The following FGD3 variants were observed in gnomAD, a reference collection of about 807,000 sequenced individuals.
FGD3 encodes the protein FYVE, RhoGEF and PH domain-containing protein 3.
Under a neutral mutation model 71.8 loss-of-function variants are expected in FGD3, and 45 were observed. That is an observed-to-expected ratio of 0.63 (90% CI 0.49 to 0.80). FGD3 has a LOEUF of 0.80. FGD3 is among the 30% of genes least tolerant of loss of function. The probability of loss-of-function intolerance (pLI) is 0.00; values close to 1 mark genes in which losing one functional copy is unlikely to be tolerated. For missense variants in FGD3, 844 were observed against 951.5 expected (o/e 0.89, Z 1.49); for synonymous variants, 378 against 392.8 (o/e 0.96, Z 0.44).
At position 93,004,096 on chromosome 9, in the gene FGD3, G is replaced by C; in HGVS notation, c.639G>C (p.Gln213His). The C allele has an allele frequency of 6.2e-7, 1 of 1,614,176 alleles. No individual in the cohort carries two copies. The highest frequency in any genetic ancestry group is 8.5e-7 in the Non-Finnish European group (1 of 1,180,048). The change falls in exon 5 of 18, where the codon CAG (glutamine) becomes CAC (histidine). Residue 213 changes from glutamine to histidine, a missense_variant. Coordinates refer to ENST00000375482, the MANE Select transcript of FGD3 (RefSeq NM_001083536.2). The stretch of plus-strand genomic sequence containing the variant: ...CCTCCATCCACCGCTTCCACGGGCA[G>C]TTCCTGCTGCCGGAGCTGAAGACGC... ...NISSIHRFHGQFLLPELKTRI... is the reference protein window; with the variant it reads ...NISSIHRFHGHFLLPELKTRI...
chr9:93,004,930 C>A (rs969419015), intron 5 of FGD3, among the ~76,000 whole-genome samples: 1 of 152,120 alleles, frequency 6.6e-6, no homozygotes, highest in Non-Finnish European at 1.5e-5. Context: ...GTCCAGCTGC[C>A]GAACAGGTTT....
At chr9:93,016,492 C>T (rs943932312) in intron 10 of FGD3, among the ~76,000 whole-genome samples, 1 of 151,744 alleles carries the variant, frequency 6.6e-6, no homozygotes, top group Non-Finnish European at 1.5e-5. Context: ...TGTGTGCCAC[C>T]ACACCCAGCT....
At chr9:93,013,696 A>G (rs1311129908) in intron 8 of FGD3, among the ~76,000 whole-genome samples, 156 bp from the exon 9 acceptor site, 1 of 152,112 alleles carries the variant, frequency 6.6e-6, no homozygotes, top group Non-Finnish European at 1.5e-5. Context: ...TTCAATACCC[A>G]ACTCAAACAT....
chr9:93,022,800 G>A (rs73514124), intron 14 of FGD3, among the ~76,000 whole-genome samples: 5,334 of 152,196 alleles, frequency 0.035, 301 homozygotes, highest in African/African-American at 0.12. Context: ...TAGGAGGCTC[G>A]GTAATGCAGA....
At chr9:93,019,982 T>C in intron 12 of FGD3, 121 bp downstream of exon 12, 1 of 995,356 alleles carries the variant, frequency 1.0e-6, no homozygotes, top group Non-Finnish European at 1.6e-6. Flanking sequence ...TGCTGTACCC[T>C]GCAGGGATGC....
At chr9:92,980,692 C>T (rs1859956845) in intron 3 of FGD3, among the ~76,000 whole-genome samples, 1 of 151,922 alleles carries the variant, frequency 6.6e-6, no homozygotes. Context: ...GTTGTTTAGG[C>T]CAGGTGCGGT....
chr9:93,018,042 C>A (rs541040494), intron 10 of FGD3, 94 bp from the exon 11 acceptor site: 294 of 1,227,094 alleles, frequency 2.4e-4, no homozygotes, highest in Non-Finnish European at 3.2e-4. Context: ...CCTCTGTTAC[C>A]TCCTTGGGGA....
At chr9:93,031,502 T>C (rs915563960) in intron 15 of FGD3, among the ~76,000 whole-genome samples, 1 of 152,094 alleles carries the variant, frequency 6.6e-6, no homozygotes, top group Non-Finnish European at 1.5e-5. Flanking sequence ...TTTCATTGCC[T>C]TGGTTTGCCC....
intron 1 of FGD3, among the ~76,000 whole-genome samples, chr9:92,972,844 T>C (rs1357605943): frequency 6.6e-6 from 1 of 152,170 alleles, no homozygotes; most frequent in Non-Finnish European, 1.5e-5. Context: ...TTCACTAGTT[T>C]TTCTTCTGCA....
rs778131755 is a variant in FGD3 at position 92,976,294 on chromosome 9, C to A, written c.38C>A (p.Pro13His). ...SGRGSSTPPG[P>H]IAALGMPDTG... Reference sequence around the variant, plus strand: ...AGGGGGTCCTCAACCCCTCCAGGACCCATTGCTGCCCTAGGGATGCCAGAC... The same window carrying A: ...AGGGGGTCCTCAACCCCTCCAGGACACATTGCTGCCCTAGGGATGCCAGAC... Residue 13 changes from proline (P) to histidine (H), a missense_variant, in exon 3 of 18, where the codon CCC becomes CAC. Physicochemically the swap from Pro to His is moderately conservative, Grantham distance 77. Transcript: ENST00000375482. 2 of 1,608,592 alleles carry A rather than the reference C, an allele frequency of 1.2e-6. No individual in the cohort carries two copies. Among genetic ancestry groups the A allele is most frequent in the Admixed American group, 1.7e-5 (1 of 59,810 alleles).
At chr9:93,018,285 G>A in intron 11 of FGD3, 70 bp downstream of exon 11, 2 of 1,390,614 alleles carry the variant, frequency 1.4e-6, no homozygotes, top group Non-Finnish European at 1.0e-6. Context: ...GGTTAACCTT[G>A]TAATATATTT....
intron 1 of FGD3, among the ~76,000 whole-genome samples, chr9:92,962,667 A>G (rs1260126272): frequency 2.0e-5 from 3 of 152,192 alleles, no homozygotes; most frequent in Admixed American, 6.6e-5. Context: ...GTGTCCGGGC[A>G]TGGTGGCTCA....
At chr9:92,995,282 T>TA (rs980591355) in intron 3 of FGD3, among the ~76,000 whole-genome samples, 1 of 152,200 alleles carries the variant, frequency 6.6e-6, no homozygotes, top group African/African-American at 2.4e-5. Context: ...GTTTGTCTGT[T>TA]ATTGGTGTAA....
In FGD3 at chr9:92,969,075, T is replaced by A. The variant is rs1859439803; in HGVS notation, c.-217-6163T>A. Among the ~76,000 whole-genome samples, 1 of 152,202 alleles carries A rather than the reference T, an allele frequency of 6.6e-6. No individual in the cohort carries two copies. Among genetic ancestry groups the A allele is most frequent in the Non-Finnish European group, 1.5e-5 (1 of 68,040 alleles). On this transcript the variant is annotated intron_variant, in intron 1 of 17. Coordinates refer to ENST00000375482, the MANE Select transcript of FGD3 (RefSeq NM_001083536.2). The surrounding 1 kb of genome is among the most constrained non-coding windows in gnomAD (Gnocchi z 4.5). ...AGCGGATATAGGCAGTTCACATGGT[T>A]TATTGTATCACCTAGAGGCACTTAC...
chr9:92,956,742 G>C (rs35031762), intron 1 of FGD3, among the ~76,000 whole-genome samples: 1 of 151,818 alleles, frequency 6.6e-6, no homozygotes, highest in Non-Finnish European at 1.5e-5. Context: ...GGGCACCTCT[G>C]TTCTGACTTC....
intron 14 of FGD3, among the ~76,000 whole-genome samples, chr9:93,027,794 AC>A (rs1359054793): frequency 2.2e-5 from 3 of 136,110 alleles, no homozygotes; most frequent in Non-Finnish European, 4.5e-5. Flanking sequence ...ATCACAACTC[AC>A]TGTAGCCTTG....
intron 3 of FGD3, among the ~76,000 whole-genome samples, chr9:92,995,063 T>G (rs1361403179): frequency 2.6e-5 from 4 of 152,068 alleles, no homozygotes; most frequent in Non-Finnish European, 2.9e-5. Context: ...ATTACCTTGG[T>G]CAGTATGGCC....
rs1272579055 is a variant in FGD3 at position 93,018,133 on chromosome 9, C to T, written c.1276-3C>T. On this transcript the variant is annotated splice_region_variant and splice_polypyrimidine_tract_variant and intron_variant, in intron 10 of 17. Coordinates refer to ENST00000375482, the MANE Select transcript of FGD3 (RefSeq NM_001083536.2). ...GCTTTGTTCTTTGTTCTTGCCCCTT[C>T]AGGTGCAGGATATCGTCAAGCCAAA... 6.2e-7 allele frequency: 1 copy of T among 1,613,902 alleles called. No homozygotes were observed. Among genetic ancestry groups the T allele is most frequent in the Non-Finnish European group, 8.5e-7 (1 of 1,179,862 alleles).
intron 1 of FGD3, among the ~76,000 whole-genome samples, chr9:92,961,520 C>A (rs565631486): frequency 6.6e-6 from 1 of 152,238 alleles, no homozygotes; most frequent in African/African-American, 2.4e-5. Flanking sequence ...TGCTTCTCCA[C>A]TGTGGGCTGA....
Sources: gnomAD v4.1 joint callset for allele counts (sites outside exome capture counted in the v4.1 genomes callset) on GRCh38, gnomAD v4.1.1 for gene constraint, Gnocchi (gnomAD v3.1) non-coding constraint, MANE v1.5 for transcripts, NCBI Gene and HGNC (gene_info 2026-07-23, HGNC 2026-07-21) for gene names.